Variants in MYO1E observed in about 807,000 individuals in gnomAD.
MYO1E encodes the protein unconventional myosin-Ie.
Under a neutral mutation model 151.1 loss-of-function variants are expected in MYO1E, and 68 were observed. The observed-to-expected ratio is 0.45, with a 90% CI of 0.37 to 0.55. The LOEUF is 0.55. Among genes scored for constraint, MYO1E ranks in the 20% least tolerant of loss-of-function variants. The pLI, the probability that MYO1E is intolerant of heterozygous loss-of-function variation, is 0.00. For missense variants in MYO1E, 1,363 were observed against 1,389.3 expected, an observed-to-expected ratio of 0.98 and a Z score of 0.30; for synonymous variants, 601 against 501.7, an observed-to-expected ratio of 1.20 and a Z score of -2.64.
In MYO1E at chr15:59,144,947, G is replaced by A. The variant is rs146317678; in HGVS notation, c.3081-6580C>T. Among the ~76,000 whole-genome samples, 1,104 of 152,254 alleles carry A rather than the reference G, an allele frequency of 7.3e-3. 14 individuals are homozygous for A. The highest frequency in any genetic ancestry group is 0.024 in the African/African-American group (994 of 41,544). ...CAACCTCCACCTCCTGGGTTCAAGCGATTCTCCTGCCTCAGCCTCCTAAGT... is the reference window on the plus strand; with the variant it reads ...CAACCTCCACCTCCTGGGTTCAAGCAATTCTCCTGCCTCAGCCTCCTAAGT... On this transcript the variant is annotated intron_variant, in intron 26 of 27. Transcript: ENST00000288235.
rs1013754957 is a variant in MYO1E at position 59,132,503 on chromosome 15, G to A, written c.*4877C>T. 5 of 152,102 alleles carry A rather than the reference G, an allele frequency of 3.3e-5. No individual in the cohort carries two copies. Among genetic ancestry groups the A allele is most frequent in the African/African-American group, 9.7e-5 (4 of 41,424 alleles). The allele number at this position is 152,102 out of a possible 1,614,324, so 9.4% of individuals were successfully genotyped here. A position where few individuals can be genotyped will look rare whatever the true frequency, so the allele number is the denominator to read the frequency against. ...CTGACTTAGGAAATTCTTCCAGGAT[G>A]TCATAAAAAAAGACCTTTAAGATAC... On this transcript the variant is annotated 3_prime_UTR_variant, in exon 28 of 28. Coordinates refer to ENST00000288235, the MANE Select transcript of MYO1E (RefSeq NM_004998.4).
chr15:59,337,953 T>C (rs2080739645), intron 1 of MYO1E, among the ~76,000 whole-genome samples: 1 of 152,246 alleles, frequency 6.6e-6, no homozygotes, highest in South Asian at 2.1e-4. Flanking sequence ...TCCCTGTCCA[T>C]GATGTGGCTA....
chr15:59,142,739 A>G lies in MYO1E; in HGVS notation c.3081-4372T>C, dbSNP rs140109129. Reference sequence around the variant, plus strand: ...CTGCAGGCCACATTGGTGCCTTCCTACCTTTCTTCATGAGCCCTGGTTGGG... The same window carrying G: ...CTGCAGGCCACATTGGTGCCTTCCTGCCTTTCTTCATGAGCCCTGGTTGGG... On this transcript the variant is annotated intron_variant, in intron 26 of 27. Coordinates refer to ENST00000288235, the MANE Select transcript of MYO1E (RefSeq NM_004998.4). Among the ~76,000 whole-genome samples the G allele has an allele frequency of 4.7e-3, 712 of 151,892 alleles. 3 individuals are homozygous for G. The highest frequency in any genetic ancestry group is 0.017 in the African/African-American group (691 of 41,402).
At chr15:59,236,361 A>ATATATAT (rs1232657278) in intron 5 of MYO1E, among the ~76,000 whole-genome samples, 2 of 66,758 alleles carry the variant, frequency 3.0e-5, no homozygotes, top group African/African-American at 8.4e-5. Context: ...AGAAAAAAAA[A>ATATATAT]AAATATATAC....
At chr15:59,368,899 G>C (rs1312778961) in intron 1 of MYO1E, among the ~76,000 whole-genome samples, 1 of 152,100 alleles carries the variant, frequency 6.6e-6, no homozygotes. Flanking sequence ...GAGATGCCTG[G>C]GCTGTCAAAT....
chr15:59,209,031 T>G, intron 13 of MYO1E, 183 bp from the exon 14 acceptor site: 1 of 721,230 alleles, frequency 1.4e-6, no homozygotes, highest in Non-Finnish European at 2.3e-6. Flanking sequence ...CACTTAGATC[T>G]AAAGAGGGAG....
intron 1 of MYO1E, 36 bp from the exon 2 acceptor site, chr15:59,272,485 T>C (rs752296390): frequency 6.2e-7 from 1 of 1,608,596 alleles, no homozygotes; most frequent in Non-Finnish European, 8.5e-7. Flanking sequence ...TAGGATAGTT[T>C]GTTTTCCCCT....
At chr15:59,251,958 T>G (rs542186342) in intron 4 of MYO1E, among the ~76,000 whole-genome samples, 1 of 152,246 alleles carries the variant, frequency 6.6e-6, no homozygotes, top group Non-Finnish European at 1.5e-5. Flanking sequence ...CTACTAATAA[T>G]ATTGGTATTG....
intron 1 of MYO1E, among the ~76,000 whole-genome samples, chr15:59,295,978 A>T (rs1229449870): frequency 4.6e-5 from 7 of 152,156 alleles, no homozygotes; most frequent in Non-Finnish European, 7.3e-5. Flanking sequence ...AGGAGGAGGG[A>T]ACCAGAACCA....
intron 1 of MYO1E, among the ~76,000 whole-genome samples, chr15:59,363,933 C>T (rs1241114790): frequency 3.9e-5 from 6 of 152,136 alleles, no homozygotes; most frequent in African/African-American, 1.4e-4. Flanking sequence ...CGCCACCCCA[C>T]CCAGCTAATT....
chr15:59,366,854 C>CT (rs1384699452), intron 1 of MYO1E, among the ~76,000 whole-genome samples: 1 of 151,912 alleles, frequency 6.6e-6, no homozygotes, highest in African/African-American at 2.4e-5. Flanking sequence ...ATTTTAATAC[C>CT]TTTGGCATTT....
At chr15:59,223,019 G>A in intron 9 of MYO1E, 40 bp downstream of exon 9, 2 of 1,612,720 alleles carry the variant, frequency 1.2e-6, no homozygotes, top group Non-Finnish European at 1.7e-6. Flanking sequence ...ATCAGAGCTA[G>A]CCACCCCTCA....
intron 3 of MYO1E, among the ~76,000 whole-genome samples, chr15:59,256,873 G>A (rs554171605): frequency 6.6e-6 from 1 of 152,152 alleles, no homozygotes; most frequent in South Asian, 2.1e-4. Flanking sequence ...AGGGAATTAG[G>A]TGAGATTATC....
intron 1 of MYO1E, among the ~76,000 whole-genome samples, chr15:59,370,809 T>C (rs554037537): frequency 6.6e-6 from 1 of 152,334 alleles, no homozygotes; most frequent in African/African-American, 2.4e-5. Context: ...TTAAATTCAG[T>C]AAGATTCTTT....
At chr15:59,183,809 T>G (rs1245933023) in intron 18 of MYO1E, among the ~76,000 whole-genome samples, 4 of 152,180 alleles carry the variant, frequency 2.6e-5, no homozygotes, top group Non-Finnish European at 5.9e-5. Flanking sequence ...GCATTAACCA[T>G]CTGCACCTCC....
At chr15:59,160,425 G>T (rs2079531946) in intron 24 of MYO1E, among the ~76,000 whole-genome samples, 1 of 150,462 alleles carries the variant, frequency 6.6e-6, no homozygotes. Flanking sequence ...TAATGAGGCA[G>T]GGTCTTGCTC....
intron 4 of MYO1E, among the ~76,000 whole-genome samples, chr15:59,246,795 A>G (rs888905638): frequency 1.8e-4 from 28 of 152,142 alleles, no homozygotes; most frequent in African/African-American, 6.8e-4. Context: ...CTGCCCAGGT[A>G]TGGCCATTTG....
chr15:59,227,576 T>A lies in MYO1E; in HGVS notation c.525A>T (p.Glu175Asp). ...GTTCCCCACCTGGACTGAACTGGAT[T>A]TCAAAGTATTTTCCCTGCAAGAAAG... is the stretch of plus-strand genomic sequence containing the variant. Reference protein sequence around the residue: ...NNSSRFGKYFEIQFSPGGEPD... With the variant: ...NNSSRFGKYFDIQFSPGGEPD... Residue 175 changes from glutamate (E) to aspartate (D), a missense_variant, in exon 7 of 28, where the codon GAA becomes GAT. Glu to Asp is a conservative substitution (Grantham distance 45). Transcript: ENST00000288235. The A allele has an allele frequency of 6.2e-7, 1 of 1,614,188 alleles. No individual in the cohort carries two copies. Among genetic ancestry groups the A allele is most frequent in the South Asian group, 1.1e-5 (1 of 91,088 alleles).
intron 3 of MYO1E, among the ~76,000 whole-genome samples, chr15:59,260,413 G>C (rs1419414882): frequency 6.6e-6 from 1 of 152,180 alleles, no homozygotes; most frequent in Non-Finnish European, 1.5e-5. Context: ...TCTTGCTCTG[G>C]GTAAATTGCC....
Sources: gnomAD v4.1 joint callset for allele counts (sites outside exome capture counted in the v4.1 genomes callset) on GRCh38, gnomAD v4.1.1 for gene constraint, MANE v1.5 for transcripts, NCBI Gene and HGNC (gene_info 2026-07-23, HGNC 2026-07-21) for gene names.